Variants in IL7 observed in about 807,000 individuals in gnomAD.
IL7 encodes interleukin 7.
In IL7, 3 loss-of-function variants were observed where a neutral mutation model predicts 21.6. The ratio of observed to expected loss-of-function variants is 0.14; its 90% CI spans 0.06 to 0.36. The LOEUF is 0.36. Among genes scored for constraint, IL7 ranks in the 10% least tolerant of loss-of-function variants. IL7 has a pLI of 1.00. For missense variants in IL7, 175 were observed against 200.2 expected, an observed-to-expected ratio of 0.87 and a Z score of 0.76; for synonymous variants, 62 against 68.1, an observed-to-expected ratio of 0.91 and a Z score of 0.44.
chr8:78,748,167 C>A (rs1436029288), intron 2 of IL7, among the ~76,000 whole-genome samples: 1 of 152,192 alleles, frequency 6.6e-6, no homozygotes, highest in East Asian at 1.9e-4. Flanking sequence ...AGTTTTGTAT[C>A]AATCCTAAAA....
intron 2 of IL7, among the ~76,000 whole-genome samples, chr8:78,743,310 G>T (rs554874947): frequency 2.6e-5 from 4 of 152,148 alleles, no homozygotes; most frequent in Non-Finnish European, 5.9e-5. Flanking sequence ...TTGAGAAATT[G>T]CCATACCATC....
chr8:78,709,511 A>G (rs941493884), intron 3 of IL7, among the ~76,000 whole-genome samples: 2 of 152,114 alleles, frequency 1.3e-5, no homozygotes, highest in African/African-American at 4.8e-5. Flanking sequence ...GAGATTTTGG[A>G]TAGGGAGCTA....
intron 2 of IL7, among the ~76,000 whole-genome samples, chr8:78,746,586 G>T (rs769272576): frequency 1.3e-5 from 2 of 152,154 alleles, no homozygotes; most frequent in Non-Finnish European, 2.9e-5. Context: ...CAAGAGGAGG[G>T]AATTTAAGCT....
At chr8:78,686,601 T>A in intron 3 of IL7, 1 of 1,509,870 alleles carries the variant, frequency 6.6e-7, no homozygotes, top group Non-Finnish European at 8.8e-7. Flanking sequence ...CACCTTCTTA[T>A]GATCCTGGTA....
chr8:78,742,962 T>A (rs544149845), intron 2 of IL7, among the ~76,000 whole-genome samples: 1 of 152,232 alleles, frequency 6.6e-6, no homozygotes, highest in Non-Finnish European at 1.5e-5. Context: ...CTGCCACTTA[T>A]AAGTGAGAAC....
At chr8:78,779,382 A>G (rs914931859) in intron 2 of IL7, among the ~76,000 whole-genome samples, 2 of 152,124 alleles carry the variant, frequency 1.3e-5, no homozygotes, top group African/African-American at 4.8e-5. Context: ...TTTGTCATAA[A>G]TGGCTCTTGT....
intron 2 of IL7, among the ~76,000 whole-genome samples, chr8:78,747,609 A>G (rs528081428): frequency 2.6e-5 from 4 of 152,298 alleles, no homozygotes; most frequent in Admixed American, 2.6e-4. Context: ...TACAATTTTT[A>G]CCATTTGTCA....
chr8:78,767,001 A>G (rs1414688666), intron 2 of IL7, among the ~76,000 whole-genome samples: 1 of 152,156 alleles, frequency 6.6e-6, no homozygotes, highest in Non-Finnish European at 1.5e-5. Flanking sequence ...GCCTCATTAT[A>G]GCTTACATTT....
At chr8:78,715,793 A>G (rs889364497), downstream of IL7, among the ~76,000 whole-genome samples, 2 of 152,032 alleles carry the variant, frequency 1.3e-5, no homozygotes, top group Non-Finnish European at 2.9e-5. Context: ...TAATCCCAGC[A>G]CTTTGAGAGG....
intron 5 of IL7, among the ~76,000 whole-genome samples, chr8:78,735,603 C>T (rs1328313329): frequency 6.6e-6 from 1 of 152,034 alleles, no homozygotes; most frequent in Non-Finnish European, 1.5e-5. Flanking sequence ...CCACCGCACC[C>T]AACCTTTCTT....
chr8:78,797,833 G>T, intron 2 of IL7: 2 of 326,028 alleles, frequency 6.1e-6, no homozygotes, highest in Non-Finnish European at 1.1e-5. Context: ...TTTACTAAAA[G>T]GGAAATAGGA....
At chr8:78,700,357 G>GT (rs899476805) in intron 3 of IL7, among the ~76,000 whole-genome samples, 41 of 151,492 alleles carry the variant, frequency 2.7e-4, no homozygotes, top group African/African-American at 9.7e-4. Context: ...TTGTAAGTTT[G>GT]TTTTTTTCTT....
At chr8:78,725,711 T>C in intron 3 of IL7, among the ~76,000 whole-genome samples, 1 of 152,014 alleles carries the variant, frequency 6.6e-6, no homozygotes, top group East Asian at 1.9e-4. Flanking sequence ...TAGTGTTAGA[T>C]AACCACAGAC....
At chr8:78,778,151 T>C (rs1460974867) in intron 2 of IL7, among the ~76,000 whole-genome samples, 1 of 152,136 alleles carries the variant, frequency 6.6e-6, no homozygotes, top group African/African-American at 2.4e-5. Flanking sequence ...CTAAACCTCA[T>C]AGTCTGGTAA....
downstream of IL7, chr8:78,675,683 CA>C: frequency 2.7e-6 from 3 of 1,099,458 alleles, no homozygotes; most frequent in South Asian, 1.7e-5. Flanking sequence ...ACATTTTTCA[CA>C]AAAACTGATA....
chr8:78,777,181 T>G (rs969932888), intron 2 of IL7, among the ~76,000 whole-genome samples: 2 of 152,076 alleles, frequency 1.3e-5, no homozygotes, highest in Non-Finnish European at 2.9e-5. Flanking sequence ...TTATAATATC[T>G]AATGCAGGCA....
chr8:78,776,064 CTTTAA>C (rs1223320830), intron 2 of IL7, among the ~76,000 whole-genome samples: 3 of 151,968 alleles, frequency 2.0e-5, no homozygotes, highest in East Asian at 3.9e-4. Flanking sequence ...AATGATAAAA[CTTTAA>C]TTTATAAATT....
At chr8:78,769,267 T>C (rs1299314828) in intron 2 of IL7, among the ~76,000 whole-genome samples, 1 of 152,052 alleles carries the variant, frequency 6.6e-6, no homozygotes, top group Non-Finnish European at 1.5e-5. Context: ...GATGACATGA[T>C]TGTATATCTA....
intron 2 of IL7, among the ~76,000 whole-genome samples, chr8:78,757,826 C>T (rs936073073): frequency 2.6e-5 from 4 of 152,014 alleles, no homozygotes; most frequent in African/African-American, 9.7e-5. Flanking sequence ...TGAATTGTAG[C>T]TCCCATAATT....
Sources: gnomAD v4.1 joint callset for allele counts (sites outside exome capture counted in the v4.1 genomes callset) on GRCh38, gnomAD v4.1.1 for gene constraint, MANE v1.5 for transcripts, NCBI Gene and HGNC (gene_info 2026-07-23, HGNC 2026-07-21) for gene names.